The following CEP112 variants were observed in gnomAD, a reference collection of about 807,000 sequenced individuals.
CEP112 encodes the protein centrosomal protein of 112 kDa.
A neutral mutation model predicts 153.0 loss-of-function variants in CEP112; 127 were observed. That is an observed-to-expected ratio of 0.83 (90% CI 0.72 to 0.96). The LOEUF (loss-of-function observed/expected upper bound fraction) is 0.96, where lower values mean the gene tolerates loss of function less well. Ranked by LOEUF, CEP112 falls within the 40% of genes least tolerant of loss-of-function variation. CEP112 has a pLI of 0.00. For missense variants in CEP112, 1,089 were observed against 1,101.2 expected (o/e 0.99, Z 0.16); for synonymous variants, 358 against 374.4 (o/e 0.96, Z 0.51).
intron 12 of CEP112, among the ~76,000 whole-genome samples, chr17:66,049,868 G>A (rs1156649008): frequency 6.6e-6 from 1 of 152,100 alleles, no homozygotes; most frequent in Non-Finnish European, 1.5e-5. Flanking sequence ...ACTGATGAGA[G>A]TAAAAACAGA....
intron 20 of CEP112, among the ~76,000 whole-genome samples, chr17:65,864,957 T>C (rs2146433636): frequency 6.8e-6 from 1 of 146,750 alleles, no homozygotes; most frequent in East Asian, 2.0e-4. Flanking sequence ...TGTGTGTGTG[T>C]GTGTGTGTGT....
chr17:65,679,137 T>TTTTTTTTTTTTG, intron 24 of CEP112, among the ~76,000 whole-genome samples: 1 of 76,856 alleles, frequency 1.3e-5, no homozygotes, highest in Non-Finnish European at 2.5e-5. Context: ...AGCTTTTTTT[T>TTTTTTTTTTTTG]TTTTTTTTTT....
At chr17:65,967,253 T>A (rs2062448168) in intron 17 of CEP112, among the ~76,000 whole-genome samples, 1 of 152,188 alleles carries the variant, frequency 6.6e-6, no homozygotes, top group Admixed American at 6.5e-5. Flanking sequence ...GAATGAAGAA[T>A]CTTCTTAAAC....
At chr17:65,664,653 C>T (rs139600041) in intron 24 of CEP112, among the ~76,000 whole-genome samples, 10 of 152,218 alleles carry the variant, frequency 6.6e-5, no homozygotes, top group East Asian at 5.8e-4. Flanking sequence ...AAGATGTGAC[C>T]GATGCAGCAG....
chr17:66,055,481 T>C (rs1475223280), intron 11 of CEP112, among the ~76,000 whole-genome samples: 1 of 152,220 alleles, frequency 6.6e-6, no homozygotes, highest in East Asian at 1.9e-4. Context: ...CAGTGCTCCT[T>C]CACAGCTGTC....
intron 8 of CEP112, among the ~76,000 whole-genome samples, chr17:66,089,954 C>A (rs1347800950): frequency 1.3e-5 from 2 of 152,042 alleles, no homozygotes; most frequent in African/African-American, 4.8e-5. Context: ...AAATTATATA[C>A]AAGAGACTTC....
intron 4 of CEP112, among the ~76,000 whole-genome samples, chr17:66,152,699 C>T (rs980284791): frequency 1.3e-5 from 2 of 152,158 alleles, no homozygotes; most frequent in African/African-American, 4.8e-5. Flanking sequence ...CAGATCCTCT[C>T]AATCAAACAA....
chr17:65,650,918 A>C (rs559155983), intron 24 of CEP112, among the ~76,000 whole-genome samples: 4 of 150,858 alleles, frequency 2.7e-5, no homozygotes, highest in Admixed American at 1.3e-4. Flanking sequence ...CTCTTTCTCT[A>C]TATATTTTTT....
intron 17 of CEP112, 27 bp from the exon 18 acceptor site, chr17:65,961,625 G>A (rs2062206312): frequency 6.3e-7 from 1 of 1,576,726 alleles, no homozygotes; most frequent in East Asian, 2.3e-5. Flanking sequence ...AAGCTTCAGA[G>A]TTAAAATATA....
intron 24 of CEP112, among the ~76,000 whole-genome samples, chr17:65,675,252 T>A (rs2047169289): frequency 6.6e-6 from 1 of 152,122 alleles, no homozygotes. Flanking sequence ...CCGTAACTAC[T>A]AAAAAAAGTA....
intron 21 of CEP112, among the ~76,000 whole-genome samples, chr17:65,762,854 C>T (rs1347706553): frequency 2.0e-5 from 3 of 151,840 alleles, no homozygotes; most frequent in African/African-American, 7.3e-5. Flanking sequence ...GCTGTTAGGT[C>T]AATTATGAAG....
chr17:65,669,384 G>C (rs1461987588), intron 24 of CEP112, among the ~76,000 whole-genome samples: 1 of 152,162 alleles, frequency 6.6e-6, no homozygotes, highest in Non-Finnish European at 1.5e-5. Flanking sequence ...ATAAACGTAG[G>C]GTTGGAGTTT....
chr17:65,954,277 G>C (rs2061935257), intron 18 of CEP112, among the ~76,000 whole-genome samples: 1 of 152,110 alleles, frequency 6.6e-6, no homozygotes, highest in African/African-American at 2.4e-5. Context: ...TCCGCTCTTA[G>C]GAAGCCTCAT....
At chr17:65,701,230 G>A (rs1022646133) in intron 23 of CEP112, among the ~76,000 whole-genome samples, 24 of 152,150 alleles carry the variant, frequency 1.6e-4, no homozygotes, top group African/African-American at 5.8e-4. Context: ...TGCAGGGCTT[G>A]GTCATGCAAC....
intron 18 of CEP112, among the ~76,000 whole-genome samples, chr17:65,950,209 AT>A (rs914208727): frequency 6.6e-6 from 1 of 151,968 alleles, no homozygotes; most frequent in African/African-American, 2.4e-5. Flanking sequence ...TGCTGTTTTA[AT>A]TTTTTTTAAA....
chr17:65,949,432 A>G (rs1404846091), intron 18 of CEP112, among the ~76,000 whole-genome samples: 1 of 152,194 alleles, frequency 6.6e-6, no homozygotes, highest in East Asian at 1.9e-4. Context: ...GAGGAGTCCG[A>G]ATCTAGCACA....
At chr17:65,830,044 T>C (rs1288015645) in intron 21 of CEP112, among the ~76,000 whole-genome samples, 1 of 152,242 alleles carries the variant, frequency 6.6e-6, no homozygotes, top group African/African-American at 2.4e-5. Context: ...TTATTAACTT[T>C]AGTGTTATAA....
intron 20 of CEP112, among the ~76,000 whole-genome samples, chr17:65,853,926 A>G (rs1039709459): frequency 5.9e-5 from 9 of 152,142 alleles, no homozygotes; most frequent in Non-Finnish European, 1.0e-4. Context: ...TATGTAGCCA[A>G]TTTTTTAAAA....
rs71361241 is a variant in CEP112, at chr17:65,667,558, TACACAC to T, written c.2697+21565_2697+21570del. Among the ~76,000 whole-genome samples the T allele has an allele frequency of 1.4e-3, 203 of 149,266 alleles. 2 individuals carry two copies. The highest frequency in any genetic ancestry group is 4.6e-3 in the African/African-American group (187 of 40,758). On this transcript the variant is annotated intron_variant, in intron 24 of 26. Transcript: ENST00000535342. ...TGAGTTTTAACAACATTTGTACTCT[TACACAC>T]ACACACACACACACACACACAAAAC...
Sources: allele counts gnomAD v4.1 joint callset (sites outside exome capture counted in the v4.1 genomes callset), GRCh38; gene constraint gnomAD v4.1.1; transcripts MANE v1.5; gene names NCBI Gene and HGNC (gene_info 2026-07-23, HGNC 2026-07-21).